The following RUNX1T1 variants were observed in gnomAD, a reference collection of about 807,000 sequenced individuals.
RUNX1T1 encodes protein CBFA2T1.
In RUNX1T1, 4 loss-of-function variants were observed where a neutral mutation model predicts 62.8. That is an observed-to-expected ratio of 0.06 (90% CI 0.03 to 0.15). The LOEUF (loss-of-function observed/expected upper bound fraction) is 0.15, where lower values mean the gene tolerates loss of function less well. Ranked by LOEUF, RUNX1T1 falls within the 10% of genes least tolerant of loss-of-function variation. The probability of loss-of-function intolerance (pLI) is 1.00; values close to 1 mark genes in which losing one functional copy is unlikely to be tolerated. For synonymous variants in RUNX1T1, 291 were observed against 286.0 expected (o/e 1.02, Z -0.18); for missense variants, 508 against 754.3 (o/e 0.67, Z 3.82).
At chr8:92,090,149 G>C (rs1836763439) in intron 1 of RUNX1T1, among the ~76,000 whole-genome samples, 1 of 149,472 alleles carries the variant, frequency 6.7e-6, no homozygotes. Flanking sequence ...GGGAACTTCA[G>C]TTTGCCTATT....
chr8:92,049,746 T>C lies in RUNX1T1; in HGVS notation c.7+12800A>G, dbSNP rs78962330. Among the ~76,000 whole-genome samples the C allele has an allele frequency of 5.2e-4, 79 of 152,286 alleles. No individual in the cohort carries two copies. In the East Asian group the frequency reaches 0.015, roughly 28 times the overall value. On this transcript the variant is annotated intron_variant, in intron 1 of 10. Coordinates refer to ENST00000396218, the Ensembl canonical transcript of RUNX1T1. ...CAATAAGTCGAACTCTATTTAGATA[T>C]TCAATCCCCAACACTATCTGCTCCT...
intron 2 of RUNX1T1, 140 bp downstream of exon 3, chr8:92,017,086 G>A: frequency 3.1e-6 from 2 of 647,362 alleles, no homozygotes; most frequent in South Asian, 4.0e-5. Context: ...CTACTTACTG[G>A]CAAACAAATG....
upstream of RUNX1T1, chr8:92,103,306 G>A (rs1171034965): frequency 4.8e-6 from 1 of 210,262 alleles, no homozygotes; most frequent in East Asian, 7.3e-5. Flanking sequence ...CGAGGAAGGC[G>A]ACGCATTTAT....
downstream of RUNX1T1, chr8:91,956,246 T>TA (rs1357538098): frequency 2.2e-5 from 5 of 231,676 alleles, no homozygotes; most frequent in Non-Finnish European, 4.3e-5. Context: ...TGGAAGGTAG[T>TA]AATTCTCCTC....
At chr8:92,055,400 C>G (rs1221229219) in intron 1 of RUNX1T1, among the ~76,000 whole-genome samples, 1 of 152,144 alleles carries the variant, frequency 6.6e-6, no homozygotes, top group Non-Finnish European at 1.5e-5. Context: ...CCTAGTCATG[C>G]CTAGGCTTAC....
At chr8:92,017,468 T>C (rs1168658543) in intron 1 of RUNX1T1, 105 bp from the exon 3 acceptor site, 1 of 1,579,828 alleles carries the variant, frequency 6.3e-7, no homozygotes, top group Admixed American at 1.8e-5. Flanking sequence ...AAATTCAACA[T>C]CTTCTATCAA....
intron 3 of RUNX1T1, among the ~76,000 whole-genome samples, chr8:92,012,081 T>C (rs1822056820): frequency 6.6e-6 from 1 of 152,186 alleles, no homozygotes; most frequent in African/African-American, 2.4e-5. Flanking sequence ...TGTTTCCTTT[T>C]ATAACAAAGT....
chr8:91,962,868 A>G (rs973101634), intron 10 of RUNX1T1, among the ~76,000 whole-genome samples: 4 of 152,220 alleles, frequency 2.6e-5, no homozygotes, highest in African/African-American at 7.2e-5. Flanking sequence ...TGTGAGTCCT[A>G]TCCGTTTTTT....
intron 8 of RUNX1T1, chr8:91,979,825 A>G (rs1288581177): frequency 3.8e-6 from 2 of 531,938 alleles, no homozygotes; most frequent in East Asian, 3.9e-5. Flanking sequence ...GCCGCCATCA[A>G]TATACATGAA....
chr8:91,983,628 T>C (rs1470442033), intron 8 of RUNX1T1, among the ~76,000 whole-genome samples: 2 of 152,122 alleles, frequency 1.3e-5, no homozygotes, highest in Non-Finnish European at 2.9e-5. Context: ...TATAGACATA[T>C]CCATATCTTT....
At chr8:92,007,967 C>CAAAAAAAA (rs34232877) in intron 4 of RUNX1T1, among the ~76,000 whole-genome samples, 11 of 85,218 alleles carry the variant, frequency 1.3e-4, no homozygotes, top group Admixed American at 5.6e-4. Context: ...GACTTTGTTT[C>CAAAAAAAA]AAAAAAAAAA....
At chr8:91,970,734 C>T (rs143723171) in exon 10 of RUNX1T1, 10 of 1,613,740 alleles carry the variant, frequency 6.2e-6, no homozygotes, top group African/African-American at 2.7e-5. Context: ...GGCGACCGTG[C>T]GCTCCATCTT....
chr8:92,040,424 T>A (rs1411327192), intron 1 of RUNX1T1, among the ~76,000 whole-genome samples: 1 of 152,114 alleles, frequency 6.6e-6, no homozygotes, highest in Non-Finnish European at 1.5e-5. Context: ...GATTATTCCA[T>A]CCCCAGCATT....
chr8:91,975,830 A>G, intron 9 of RUNX1T1, 75 bp downstream of exon 10: 2 of 954,760 alleles, frequency 2.1e-6, no homozygotes, highest in Non-Finnish European at 3.4e-6. Flanking sequence ...CTTTCTTGTC[A>G]TTCCTCACAT....
chr8:91,959,443 T>TATATATATGTGC, exon 11 of RUNX1T1: 1 of 114,626 alleles, frequency 8.7e-6, no homozygotes, highest in Non-Finnish European at 1.4e-5. Context: ...TGTGTGTGTG[T>TATATATATGTGC]GTGTGTGTGT....
intron 8 of RUNX1T1, chr8:91,979,891 C>T: frequency 1.9e-6 from 1 of 529,896 alleles, no homozygotes. Flanking sequence ...CCCAGGACAG[C>T]AATGCTCAAA....
intron 8 of RUNX1T1, among the ~76,000 whole-genome samples, chr8:91,980,975 G>A (rs1815106106): frequency 6.6e-6 from 1 of 152,026 alleles, no homozygotes; most frequent in Non-Finnish European, 1.5e-5. Flanking sequence ...ACTCCCAGCA[G>A]AAAGTTCTTT....
intron 1 of RUNX1T1, among the ~76,000 whole-genome samples, chr8:92,095,866 G>A (rs1430341811): frequency 6.6e-6 from 1 of 152,200 alleles, no homozygotes; most frequent in African/African-American, 2.4e-5. Flanking sequence ...GGGCTAGGCT[G>A]GAACATGTTC....
intron 1 of RUNX1T1, among the ~76,000 whole-genome samples, chr8:92,044,311 A>G (rs1031806515): frequency 2.7e-4 from 41 of 152,352 alleles, no homozygotes; most frequent in Middle Eastern, 3.4e-3. Flanking sequence ...ACAAGCTGTA[A>G]CTGACAGTTG....
Sources: gnomAD v4.1 joint callset for allele counts (sites outside exome capture counted in the v4.1 genomes callset) on GRCh38, gnomAD v4.1.1 for gene constraint, MANE v1.5 for transcripts, NCBI Gene and HGNC (gene_info 2026-07-23, HGNC 2026-07-21) for gene names.